PDE4D: variants seen among roughly 807,000 people sequenced by gnomAD.
PDE4D encodes 3',5'-cyclic-AMP phosphodiesterase 4D.
PDE4D carries 24 observed loss-of-function variants against 87.4 expected under a neutral mutation model. That is an observed-to-expected ratio of 0.27 (90% CI 0.20 to 0.39). The LOEUF (loss-of-function observed/expected upper bound fraction) is 0.39, where lower values mean the gene tolerates loss of function less well. PDE4D is among the 10% of genes least tolerant of loss of function. PDE4D has a pLI of 1.00. For synonymous variants in PDE4D, 384 were observed against 383.2 expected, an observed-to-expected ratio of 1.00 and a Z score of -0.02; for missense variants, 714 against 1,041.0, an observed-to-expected ratio of 0.69 and a Z score of 4.32.
At chr5:59,841,496 T>C (rs1469723233) in intron 1 of PDE4D, among the ~76,000 whole-genome samples, 3 of 152,078 alleles carry the variant, frequency 2.0e-5, no homozygotes, top group Admixed American at 6.6e-5. Context: ...AGATTTTTCA[T>C]TACATATACT....
chr5:59,061,983 G>T (rs1763197136), intron 5 of PDE4D, among the ~76,000 whole-genome samples: 1 of 152,000 alleles, frequency 6.6e-6, no homozygotes, highest in Non-Finnish European at 1.5e-5. Flanking sequence ...TTACCCACTG[G>T]TTGACACTCC....
At chr5:60,315,919 G>A (rs1257746268) in intron 1 of PDE4D, among the ~76,000 whole-genome samples, 9 of 152,136 alleles carry the variant, frequency 5.9e-5, no homozygotes, top group African/African-American at 1.2e-4. Flanking sequence ...GTCAGGTAGC[G>A]TGATGCTTCC....
intron 5 of PDE4D, among the ~76,000 whole-genome samples, chr5:59,130,864 A>G (rs1776160271): frequency 6.6e-6 from 1 of 152,242 alleles, no homozygotes; most frequent in South Asian, 2.1e-4. Context: ...AAGTGAATGG[A>G]AAGAAAAGGT....
intron 1 of PDE4D, among the ~76,000 whole-genome samples, chr5:59,752,031 A>T (rs1422827948): frequency 6.6e-6 from 1 of 152,120 alleles, no homozygotes; most frequent in African/African-American, 2.4e-5. Context: ...TACCAGATAC[A>T]ATGTCTCCCT....
intron 6 of PDE4D, among the ~76,000 whole-genome samples, chr5:59,023,592 G>C (rs115518332): frequency 1.3e-5 from 2 of 152,212 alleles, no homozygotes; most frequent in African/African-American, 4.8e-5. Context: ...GGAGATCAAG[G>C]CTGCAGTAAG....
rs186105176 is a variant in PDE4D, at chr5:60,451,900, G to A, written c.-90+36042C>T. 3.5e-4 allele frequency among the ~76,000 whole-genome samples: 53 copies of A among 152,062 alleles called. 2 individuals carry two copies. The East Asian group carries it at 0.01, about 29-fold the overall frequency. On this transcript the variant is annotated intron_variant, in intron 1 of 16. Coordinates refer to the PDE4D transcript ENST00000502484. Reference sequence around the variant, plus strand: ...CAGGTTTGTTGAAAAGTTATGCTACGTAAAAGTGAAACAGAAATATTATTA... The same window carrying A: ...CAGGTTTGTTGAAAAGTTATGCTACATAAAAGTGAAACAGAAATATTATTA...
At chr5:59,431,530 T>C (rs1286839434) in intron 1 of PDE4D, among the ~76,000 whole-genome samples, 2 of 152,182 alleles carry the variant, frequency 1.3e-5, no homozygotes, top group African/African-American at 4.8e-5. Context: ...CTACATTTTA[T>C]TCTTCAGTAG....
intron 1 of PDE4D, among the ~76,000 whole-genome samples, chr5:60,347,338 C>G (rs1482659058): frequency 6.6e-6 from 1 of 152,006 alleles, no homozygotes; most frequent in African/African-American, 2.4e-5. Context: ...AAAGAAGATT[C>G]TTAGGAGCCA....
chr5:59,381,025 G>A (rs1030913991), intron 1 of PDE4D, among the ~76,000 whole-genome samples: 1 of 152,026 alleles, frequency 6.6e-6, no homozygotes, highest in African/African-American at 2.4e-5. Flanking sequence ...TTTACTATCT[G>A]GCTTGTCACA....
At chr5:60,076,651 C>T (rs568945172) in intron 2 of PDE4D, among the ~76,000 whole-genome samples, 1 of 147,044 alleles carries the variant, frequency 6.8e-6, no homozygotes, top group East Asian at 2.0e-4. Context: ...GTATCAGTTC[C>T]CAACTTTGTT....
chr5:59,951,775 T>C (rs1037011953), intron 3 of PDE4D, among the ~76,000 whole-genome samples: 2 of 152,196 alleles, frequency 1.3e-5, no homozygotes, highest in African/African-American at 4.8e-5. Context: ...TGTCCAAAAA[T>C]AGATCCAACT....
intron 1 of PDE4D, among the ~76,000 whole-genome samples, chr5:59,570,093 G>A (rs920549375): frequency 2.0e-5 from 3 of 152,168 alleles, no homozygotes; most frequent in Non-Finnish European, 4.4e-5. Context: ...CCTGGAGACC[G>A]AATATTCATG....
At chr5:59,037,150 T>C (rs1418446025) in intron 6 of PDE4D, among the ~76,000 whole-genome samples, 1 of 152,214 alleles carries the variant, frequency 6.6e-6, no homozygotes, top group African/African-American at 2.4e-5. Flanking sequence ...CATTATTAAA[T>C]TTCACATTCA....
intron 1 of PDE4D, among the ~76,000 whole-genome samples, chr5:59,701,257 T>A (rs929486998): frequency 2.0e-5 from 3 of 152,134 alleles, no homozygotes; most frequent in Admixed American, 6.5e-5. Flanking sequence ...AAAGGTTAGG[T>A]TCTGCTTTTT....
intron 1 of PDE4D, chr5:59,276,135 A>T (rs1764766762): frequency 1.0e-6 from 1 of 983,590 alleles, no homozygotes; most frequent in East Asian, 1.1e-4. Context: ...AAAAAAAAAA[A>T]AAAAAAAAGA....
intron 2 of PDE4D, among the ~76,000 whole-genome samples, chr5:59,194,725 A>T (rs1384242424): frequency 6.6e-6 from 1 of 152,208 alleles, no homozygotes; most frequent in East Asian, 1.9e-4. Flanking sequence ...AGAACTCTAG[A>T]ACTCTAAGAA....
chr5:60,074,848 T>G (rs192211063), intron 2 of PDE4D, among the ~76,000 whole-genome samples: 54 of 152,304 alleles, frequency 3.5e-4, no homozygotes, highest in African/African-American at 1.2e-3. Context: ...CTGTTTTGCA[T>G]TTTTTGGTAG....
At chr5:59,732,554 C>T (rs1319299381) in intron 1 of PDE4D, among the ~76,000 whole-genome samples, 1 of 152,020 alleles carries the variant, frequency 6.6e-6, no homozygotes, top group East Asian at 1.9e-4. Flanking sequence ...ATTAACAAAA[C>T]TCCACTATGA....
At chr5:59,200,224 T>C (rs1394648288) in intron 2 of PDE4D, among the ~76,000 whole-genome samples, 20 of 144,786 alleles carry the variant, frequency 1.4e-4, no homozygotes, top group African/African-American at 4.5e-4. Flanking sequence ...CGTGTATGTA[T>C]ACATACATAT....
Sources: gnomAD v4.1 joint callset for allele counts (sites outside exome capture counted in the v4.1 genomes callset) on GRCh38, gnomAD v4.1.1 for gene constraint, MANE v1.5 for transcripts, NCBI Gene and HGNC (gene_info 2026-07-23, HGNC 2026-07-21) for gene names.